Variants in CASQ2 observed in about 807,000 individuals in gnomAD.
CASQ2 encodes calsequestrin-2.
A neutral mutation model predicts 46.5 loss-of-function variants in CASQ2; 49 were observed. That is an observed-to-expected ratio of 1.05 (90% CI 0.84 to 1.34). The LOEUF (loss-of-function observed/expected upper bound fraction) is 1.34. Ranked by LOEUF, CASQ2 falls within the 40% of genes most tolerant of loss-of-function variation. The pLI is 0.00. For synonymous variants in CASQ2, 174 were observed against 168.5 expected (o/e 1.03, Z -0.25); for missense variants, 486 against 481.3 (o/e 1.01, Z -0.09).
chr1:115,741,175 C>T (rs530792525), intron 2 of CASQ2, among the ~76,000 whole-genome samples: 1 of 152,314 alleles, frequency 6.6e-6, no homozygotes, highest in African/African-American at 2.4e-5. Context: ...CTTAACCTTG[C>T]TTTAAAGTCC....
chr1:115,735,807 C>T (rs1250576565), intron 4 of CASQ2, among the ~76,000 whole-genome samples: 1 of 152,106 alleles, frequency 6.6e-6, no homozygotes, highest in Non-Finnish European at 1.5e-5. Context: ...CCTTGAAGGA[C>T]ACTTTAGAGA....
chr1:115,703,436 A>C (rs1654271215), intron 9 of CASQ2, among the ~76,000 whole-genome samples: 3 of 152,192 alleles, frequency 2.0e-5, no homozygotes, highest in South Asian at 2.1e-4. Flanking sequence ...CTTGGACTCC[A>C]TGTGGACAAA....
At chr1:115,739,063 T>TAA (rs36062822) in intron 3 of CASQ2, among the ~76,000 whole-genome samples, 14 of 140,372 alleles carry the variant, frequency 1.0e-4, no homozygotes, top group East Asian at 6.2e-4. Context: ...TTTCTTTTTT[T>TAA]AAAAAAAAAA....
intron 1 of CASQ2, among the ~76,000 whole-genome samples, chr1:115,766,475 T>A (rs1294756574): frequency 6.6e-6 from 1 of 152,222 alleles, no homozygotes; most frequent in Non-Finnish European, 1.5e-5. Flanking sequence ...TAATCAACAT[T>A]ATTATTATTT....
At chr1:115,717,809 G>A in intron 8 of CASQ2, 31 bp downstream of exon 8, 2 of 1,512,662 alleles carry the variant, frequency 1.3e-6, no homozygotes, top group Non-Finnish European at 1.8e-6. Context: ...TCTTGCTAGA[G>A]CTGTAAAAGA....
intron 4 of CASQ2, among the ~76,000 whole-genome samples, chr1:115,733,392 G>T: frequency 6.6e-6 from 1 of 152,296 alleles, no homozygotes; most frequent in Non-Finnish European, 1.5e-5. Context: ...AAGGAAATTC[G>T]TCTCACAGTG....
chr1:115,768,206 AT>A, intron 1 of CASQ2, 101 bp downstream of exon 1: 1 of 812,702 alleles, frequency 1.2e-6, no homozygotes, highest in South Asian at 1.3e-5. Context: ...AGTTCAGTAT[AT>A]ATTCTCTGCA....
rs1026316692 is a variant in CASQ2 at position 115,719,842 on chromosome 1, C to G, written c.784-1948G>C. Among the ~76,000 whole-genome samples the G allele has an allele frequency of 8.3e-4, 127 of 152,126 alleles. 1 individual carries two copies. Among genetic ancestry groups the G allele is most frequent in the African/African-American group, 3.0e-3 (125 of 41,438 alleles). ...TTGCTACCCAGATCTCTCATTTGGT[C>G]TTTAGGTTGTCTTGGAAATTCTGTT... On this transcript the variant is annotated intron_variant, in intron 7 of 10. Transcript: ENST00000261448.
chr1:115,715,709 A>C (rs1249421584), intron 8 of CASQ2, among the ~76,000 whole-genome samples: 2 of 152,352 alleles, frequency 1.3e-5, no homozygotes, highest in African/African-American at 4.8e-5. Context: ...TCTTGATTTT[A>C]TAAATTATAT....
At chr1:115,717,730 T>C in intron 8 of CASQ2, 110 bp downstream of exon 8, 2 of 857,288 alleles carry the variant, frequency 2.3e-6, no homozygotes, top group South Asian at 2.6e-5. Flanking sequence ...GCCCAATATC[T>C]TGCAGTTGCA....
At chr1:115,753,678 T>G (rs1315029791) in intron 1 of CASQ2, among the ~76,000 whole-genome samples, 1 of 152,048 alleles carries the variant, frequency 6.6e-6, no homozygotes, top group Non-Finnish European at 1.5e-5. Context: ...CCCAATCCAG[T>G]CTCTTCATAG....
chr1:115,726,033 C>T (rs1213812965), intron 6 of CASQ2, among the ~76,000 whole-genome samples: 3 of 152,160 alleles, frequency 2.0e-5, no homozygotes, highest in African/African-American at 7.2e-5. Context: ...CAGACAGGAT[C>T]TATATTTTGC....
At chr1:115,755,470 G>T (rs565248980) in intron 1 of CASQ2, among the ~76,000 whole-genome samples, 1 of 152,286 alleles carries the variant, frequency 6.6e-6, no homozygotes, top group East Asian at 1.9e-4. Flanking sequence ...GGGGTGAGGT[G>T]CTTCCTCTCA....
At chr1:115,756,419 C>G (rs1217447162) in intron 1 of CASQ2, among the ~76,000 whole-genome samples, 1 of 152,168 alleles carries the variant, frequency 6.6e-6, no homozygotes, top group Non-Finnish European at 1.5e-5. Context: ...CTAGGAGGAA[C>G]AAGTCATTTT....
chr1:115,743,859 G>A (rs572646771), intron 2 of CASQ2, among the ~76,000 whole-genome samples: 47 of 151,982 alleles, frequency 3.1e-4, no homozygotes, highest in Admixed American at 1.2e-3. Flanking sequence ...GGAGCGGGCC[G>A]GGAGCTATGG....
At chr1:115,746,941 T>A (rs570794193) in intron 1 of CASQ2, among the ~76,000 whole-genome samples, 1 of 152,308 alleles carries the variant, frequency 6.6e-6, no homozygotes, top group African/African-American at 2.4e-5. Context: ...AATATCCTAA[T>A]CATTTCATCT....
chr1:115,714,375 G>A (rs1474178766), intron 8 of CASQ2, among the ~76,000 whole-genome samples: 1 of 152,152 alleles, frequency 6.6e-6, no homozygotes, highest in African/African-American at 2.4e-5. Context: ...TAAAACTCAC[G>A]TTCCTCATCT....
intron 1 of CASQ2, among the ~76,000 whole-genome samples, chr1:115,753,569 A>C (rs1313482130): frequency 6.6e-6 from 1 of 152,156 alleles, no homozygotes; most frequent in Admixed American, 6.5e-5. Flanking sequence ...TGTCTCGCTT[A>C]TTCAAGGTGT....
chr1:115,755,931 C>T (rs1313073744), intron 1 of CASQ2, among the ~76,000 whole-genome samples: 1 of 152,232 alleles, frequency 6.6e-6, no homozygotes, highest in Non-Finnish European at 1.5e-5. Context: ...TCTCACACAG[C>T]TAGGTGCTAC....
Sources: allele counts gnomAD v4.1 joint callset (sites outside exome capture counted in the v4.1 genomes callset), GRCh38; gene constraint gnomAD v4.1.1; transcripts MANE v1.5; gene names NCBI Gene and HGNC (gene_info 2026-07-23, HGNC 2026-07-21).